Variants in BCL2 observed in about 807,000 individuals in gnomAD.
The protein encoded by BCL2 is apoptosis regulator Bcl-2.
In BCL2, 1 loss-of-function variant was observed where a neutral mutation model predicts 14.2. That is an observed-to-expected ratio of 0.07 (90% CI 0.02 to 0.33). The LOEUF (loss-of-function observed/expected upper bound fraction) is 0.33, where lower values mean the gene tolerates loss of function less well. Among genes scored for constraint, BCL2 ranks in the 10% least tolerant of loss-of-function variants. The pLI is 0.99. For synonymous variants in BCL2, 151 were observed against 137.2 expected (o/e 1.10, Z -0.70); for missense variants, 247 against 305.9 (o/e 0.81, Z 1.44).
chr18:63,315,196 C>T (rs1913458232), intron 2 of BCL2: 1 of 152,210 alleles, frequency 6.6e-6, no homozygotes, highest in South Asian at 2.1e-4. Context: ...CCGGGGGATG[C>T]ATGTGCTACT....
chr18:63,263,034 C>T (rs1220596438), intron 2 of BCL2, among the ~76,000 whole-genome samples: 1 of 152,118 alleles, frequency 6.6e-6, no homozygotes, highest in Non-Finnish European at 1.5e-5. Flanking sequence ...CTTCTGGAAA[C>T]AAGAGAGGAG....
rs369915593 is a variant in BCL2 at position 63,126,789 on chromosome 18, C to CA, written c.*1835dup. 15 of 226,164 alleles carry CA rather than the reference C, an allele frequency of 6.6e-5. 1 individual carries two copies. Among genetic ancestry groups the CA allele is most frequent in the African/African-American group, 2.7e-4 (12 of 45,056 alleles). 14.0% of individuals were successfully genotyped at this position (226,164 alleles called of 1,614,324 possible). A position where few individuals can be genotyped will look rare whatever the true frequency, so the allele number is the denominator to read the frequency against. Reference sequence around the variant, plus strand: ...GGCCATAACTAAATACAATTAAAAACAAAAAAACGCTGAGATGCATGTATT... The same window carrying CA: ...GGCCATAACTAAATACAATTAAAAACAAAAAAAACGCTGAGATGCATGTATT... On this transcript the variant is annotated 3_prime_UTR_variant, in exon 3 of 3. Transcript: ENST00000333681.
chr18:63,142,293 A>G (rs1343658872), intron 2 of BCL2, among the ~76,000 whole-genome samples: 2 of 152,246 alleles, frequency 1.3e-5, no homozygotes, highest in Non-Finnish European at 2.9e-5. Flanking sequence ...CCAGCTGGGC[A>G]CTGCCAGCCT....
At chr18:63,312,987 T>C (rs960072387) in intron 2 of BCL2, among the ~76,000 whole-genome samples, 1 of 152,230 alleles carries the variant, frequency 6.6e-6, no homozygotes, top group Non-Finnish European at 1.5e-5. Context: ...TTTTAAAGTA[T>C]CTACATTTTG....
chr18:63,280,908 C>A (rs1435474738), intron 2 of BCL2, among the ~76,000 whole-genome samples: 1 of 152,164 alleles, frequency 6.6e-6, no homozygotes, highest in East Asian at 1.9e-4. Context: ...GCATTATTCA[C>A]ATTAGTCCAA....
intron 2 of BCL2, among the ~76,000 whole-genome samples, chr18:63,192,573 G>A (rs902188859): frequency 2.6e-5 from 4 of 152,158 alleles, no homozygotes; most frequent in African/African-American, 9.7e-5. Context: ...GTCCTGAGGT[G>A]CACGTCTATC....
At chr18:63,286,386 T>C (rs958401092) in intron 2 of BCL2, among the ~76,000 whole-genome samples, 6 of 152,102 alleles carry the variant, frequency 3.9e-5, no homozygotes, top group African/African-American at 1.4e-4. Context: ...AGACACAAAA[T>C]GAATAAACAT....
intron 2 of BCL2, chr18:63,302,673 C>A (rs1913000427): frequency 1.0e-6 from 1 of 984,530 alleles, no homozygotes; most frequent in Admixed American, 6.2e-5. Context: ...ATATATGTTT[C>A]ATAACACAAG....
chr18:63,201,333 T>C (rs1052251728), intron 2 of BCL2, among the ~76,000 whole-genome samples: 6 of 152,228 alleles, frequency 3.9e-5, no homozygotes, highest in African/African-American at 1.4e-4. Context: ...CAAAAGACGC[T>C]AGTCAATTCA....
At chr18:63,140,887 C>T (rs1914338589) in intron 2 of BCL2, among the ~76,000 whole-genome samples, 1 of 152,148 alleles carries the variant, frequency 6.6e-6, no homozygotes. Context: ...TATGGAATTC[C>T]ACAGAAGTAC....
intron 2 of BCL2, among the ~76,000 whole-genome samples, chr18:63,163,035 G>A (rs1222331716): frequency 6.6e-6 from 1 of 152,134 alleles, no homozygotes; most frequent in East Asian, 1.9e-4. Context: ...TTGTAGAGAT[G>A]GGGTCTGGCT....
At chr18:63,176,748 T>C (rs1274662138) in intron 2 of BCL2, among the ~76,000 whole-genome samples, 2 of 152,296 alleles carry the variant, frequency 1.3e-5, no homozygotes, top group Admixed American at 6.5e-5. Flanking sequence ...ATTTAAAATC[T>C]TCTCTTCCAG....
At position 63,318,885 on chromosome 18, in the gene BCL2, A is replaced by G; in HGVS notation, c.-219T>C. On this transcript the variant is annotated 5_prime_UTR_variant, in exon 2 of 3. Transcript: ENST00000333681. This position sits in a 1 kb window ranked among gnomAD's most constrained non-coding sequence, Gnocchi z 7.4. ...AAATTTTTATTCCAATTCCTTTCGG[A>G]TCTTTATTTCATGAGGCACGTTATT... is the stretch of plus-strand genomic sequence containing the variant. 1 of 1,409,308 alleles carries G rather than the reference A, an allele frequency of 7.1e-7. No individual in the cohort carries two copies. The highest frequency in any genetic ancestry group is 9.3e-7 in the Non-Finnish European group (1 of 1,079,436). The allele number at this position is 1,409,308 out of a possible 1,614,324, so 87.3% of individuals were successfully genotyped here. A position where few individuals can be genotyped will look rare whatever the true frequency, so the allele number is the denominator to read the frequency against.
At chr18:63,183,782 T>G (rs1055623094) in intron 2 of BCL2, among the ~76,000 whole-genome samples, 1 of 152,198 alleles carries the variant, frequency 6.6e-6, no homozygotes, top group Non-Finnish European at 1.5e-5. Context: ...ACAGTTTCCA[T>G]AGTAAACATT....
chr18:63,207,085 G>C (rs1432086607), intron 2 of BCL2, among the ~76,000 whole-genome samples: 2 of 152,206 alleles, frequency 1.3e-5, no homozygotes, highest in African/African-American at 4.8e-5. Context: ...TGAGGAAATA[G>C]GACTAGGAAT....
intron 2 of BCL2, among the ~76,000 whole-genome samples, chr18:63,142,035 A>G (rs1357899161): frequency 6.6e-6 from 1 of 152,234 alleles, no homozygotes; most frequent in Non-Finnish European, 1.5e-5. Flanking sequence ...TCATCAGGAC[A>G]TCGCTGCTGG....
intron 2 of BCL2, among the ~76,000 whole-genome samples, chr18:63,192,663 G>A (rs1040642386): frequency 1.3e-5 from 2 of 152,084 alleles, no homozygotes; most frequent in Non-Finnish European, 2.9e-5. Context: ...ATCACCAGGG[G>A]ATACCACGGC....
chr18:63,129,014 A>T (rs1412516927), intron 2 of BCL2, among the ~76,000 whole-genome samples: 1 of 152,220 alleles, frequency 6.6e-6, no homozygotes, highest in African/African-American at 2.4e-5. Context: ...ATAGACTAAA[A>T]GTTCCTACTT....
At chr18:63,196,988 C>T (rs1327925588) in intron 2 of BCL2, among the ~76,000 whole-genome samples, 1 of 152,202 alleles carries the variant, frequency 6.6e-6, no homozygotes, top group Non-Finnish European at 1.5e-5. Flanking sequence ...AACTGCATCT[C>T]ATCATCAGAA....
Sources: allele counts gnomAD v4.1 joint callset (sites outside exome capture counted in the v4.1 genomes callset), GRCh38; gene constraint gnomAD v4.1.1; non-coding constraint Gnocchi (gnomAD v3.1); transcripts MANE v1.5; gene names NCBI Gene and HGNC (gene_info 2026-07-23, HGNC 2026-07-21).